The following HLCS variants were observed in gnomAD, a reference collection of about 807,000 sequenced individuals.
HLCS encodes the protein holocarboxylase synthetase.
In HLCS, 53 loss-of-function variants were observed where a neutral mutation model predicts 75.0. The observed-to-expected ratio is 0.71, with a 90% CI of 0.57 to 0.89. HLCS has a LOEUF of 0.89. Among genes scored for constraint, HLCS ranks in the 40% least tolerant of loss-of-function variants. HLCS has a pLI of 0.00. For missense variants in HLCS, 966 were observed against 1,074.0 expected (o/e 0.90, Z 1.41); for synonymous variants, 431 against 428.6 (o/e 1.01, Z -0.07).
intron 6 of HLCS, among the ~76,000 whole-genome samples, chr21:36,782,456 C>T (rs1021607703): frequency 6.6e-6 from 1 of 152,116 alleles, no homozygotes; most frequent in African/African-American, 2.4e-5. Context: ...ATATAAGAAC[C>T]TTAACTGAGG....
intron 2 of HLCS, among the ~76,000 whole-genome samples, chr21:36,956,853 C>T (rs2067988298): frequency 1.3e-5 from 2 of 151,734 alleles, no homozygotes; most frequent in African/African-American, 4.8e-5. Context: ...GAGTTCAAGA[C>T]CCACCCTGGC....
chr21:36,883,432 G>A (rs577351524), intron 6 of HLCS, among the ~76,000 whole-genome samples: 32 of 152,236 alleles, frequency 2.1e-4, no homozygotes, highest in Admixed American at 5.9e-4. Flanking sequence ...TTTTTAAGCC[G>A]GAACTCAACC....
chr21:36,786,003 G>C (rs917688042), intron 6 of HLCS, among the ~76,000 whole-genome samples: 5 of 152,114 alleles, frequency 3.3e-5, no homozygotes, highest in Non-Finnish European at 5.9e-5. Flanking sequence ...TGCAGGTATC[G>C]ACTACAGGCT....
intron 4 of HLCS, 71 bp downstream of exon 4, chr21:36,936,378 A>T: frequency 7.5e-7 from 1 of 1,326,132 alleles, no homozygotes; most frequent in Non-Finnish European, 1.1e-6. Flanking sequence ...GTGTACCTTT[A>T]AAAGACATAT....
chr21:36,970,910 C>T (rs1212472047), upstream of HLCS, among the ~76,000 whole-genome samples: 1 of 150,976 alleles, frequency 6.6e-6, no homozygotes, highest in South Asian at 2.1e-4. Context: ...AGGAGAATGG[C>T]GTGAACCCAG....
intron 2 of HLCS, among the ~76,000 whole-genome samples, chr21:36,942,132 C>G (rs997409334): frequency 6.6e-6 from 1 of 151,968 alleles, no homozygotes; most frequent in African/African-American, 2.4e-5. Context: ...AACACTCCAG[C>G]CTGGCACTCC....
At position 36,936,323 on chromosome 21, in the gene HLCS, A is replaced by G. The variant is rs1168184018; in HGVS notation, c.1437+126T>C. On this transcript the variant is annotated intron_variant, in intron 4 of 10. Coordinates refer to ENST00000674895, the MANE Select transcript of HLCS (RefSeq NM_001352514.2). The stretch of plus-strand genomic sequence containing the variant: ...CTATCAGCAAAAGCTCCCAGCCAAT[A>G]GTCAAAAACAGCCCGCAGCACACGA... 7.0e-6 allele frequency: 6 copies of G among 860,376 alleles called. No individual in the cohort carries two copies. The East Asian group carries it at 9.7e-5, about 14-fold the overall frequency. 53.3% of individuals were successfully genotyped at this position (860,376 alleles called of 1,614,324 possible).
chr21:36,754,517 G>A, intron 10 of HLCS, 100 bp from the exon 11 acceptor site: 2 of 1,305,928 alleles, frequency 1.5e-6, no homozygotes, highest in East Asian at 2.5e-5. Context: ...TGGGCGTGCT[G>A]GGGAGAGGGC....
At chr21:36,777,395 T>A (rs930195986) in intron 6 of HLCS, among the ~76,000 whole-genome samples, 1 of 152,266 alleles carries the variant, frequency 6.6e-6, no homozygotes, top group African/African-American at 2.4e-5. Context: ...TTAGCTCTCA[T>A]GCGGCACGAA....
chr21:36,922,287 T>C (rs1284763044), intron 5 of HLCS, among the ~76,000 whole-genome samples: 1 of 152,230 alleles, frequency 6.6e-6, no homozygotes, highest in Non-Finnish European at 1.5e-5. Flanking sequence ...ATTTCTGGTA[T>C]ACCACATGAT....
intron 5 of HLCS, among the ~76,000 whole-genome samples, chr21:36,897,941 T>TA (rs1269991427): frequency 1.1e-4 from 16 of 152,198 alleles, no homozygotes; most frequent in Admixed American, 1.0e-3. Flanking sequence ...GTACAAAACT[T>TA]ACTAAGATCT....
chr21:36,888,478 ATATATATATATATATATATT>A (rs1569149904), intron 6 of HLCS, among the ~76,000 whole-genome samples: 20 of 80,068 alleles, frequency 2.5e-4, no homozygotes, highest in African/African-American at 5.0e-4. Context: ...ATATATATAT[ATATATATATATATATATATT>A]TATTTATTTA....
intron 2 of HLCS, among the ~76,000 whole-genome samples, chr21:36,947,167 A>G (rs1601840543): frequency 6.6e-6 from 1 of 152,212 alleles, no homozygotes; most frequent in African/African-American, 2.4e-5. Context: ...CCCCTGCGGT[A>G]GCAGGCACTG....
intron 6 of HLCS, among the ~76,000 whole-genome samples, chr21:36,804,894 C>T (rs955180893): frequency 2.0e-5 from 3 of 152,322 alleles, no homozygotes; most frequent in Non-Finnish European, 2.9e-5. Flanking sequence ...CCAATCCTGG[C>T]GTCCAATTCT....
upstream of HLCS, among the ~76,000 whole-genome samples, chr21:36,970,993 CAAA>C (rs58741965): frequency 2.2e-5 from 2 of 92,728 alleles, no homozygotes; most frequent in African/African-American, 7.0e-5. Flanking sequence ...GACTCCATCT[CAAA>C]AAAAAAAAAA....
chr21:36,841,767 T>G (rs1045478849), intron 6 of HLCS, among the ~76,000 whole-genome samples: 1 of 152,234 alleles, frequency 6.6e-6, no homozygotes, highest in Admixed American at 6.5e-5. Flanking sequence ...GTTCCTCAAC[T>G]GGCTGGGCTC....
chr21:36,767,850 G>A (rs149891252), intron 6 of HLCS, among the ~76,000 whole-genome samples: 3 of 152,312 alleles, frequency 2.0e-5, no homozygotes, highest in Non-Finnish European at 4.4e-5. Flanking sequence ...TTCTGAGGAC[G>A]CAGGAGAACT....
intron 6 of HLCS, among the ~76,000 whole-genome samples, chr21:36,870,793 T>TG (rs1260770916): frequency 1.3e-5 from 2 of 152,072 alleles, no homozygotes; most frequent in African/African-American, 4.8e-5. Flanking sequence ...GAGAAGAAAA[T>TG]GTTCCTAACT....
At chr21:36,855,826 C>T (rs1458236649) in intron 6 of HLCS, among the ~76,000 whole-genome samples, 1 of 152,164 alleles carries the variant, frequency 6.6e-6, no homozygotes, top group Non-Finnish European at 1.5e-5. Flanking sequence ...GATCTGCCCT[C>T]CTTGGCTTCC....
Sources: allele counts gnomAD v4.1 joint callset (sites outside exome capture counted in the v4.1 genomes callset), GRCh38; gene constraint gnomAD v4.1.1; transcripts MANE v1.5; gene names NCBI Gene and HGNC (gene_info 2026-07-23, HGNC 2026-07-21).